Variants in DTNA observed in about 807,000 individuals in gnomAD.
The protein encoded by DTNA is dystrobrevin alpha, also known as dystrophin-related protein 3.
In DTNA, 43 loss-of-function variants were observed where a neutral mutation model predicts 100.7. That is an observed-to-expected ratio of 0.43 (90% CI 0.33 to 0.55). The LOEUF is 0.55. Ranked by LOEUF, DTNA falls within the 20% of genes least tolerant of loss-of-function variation. The pLI is 0.04. For missense variants in DTNA, 798 were observed against 953.9 expected (o/e 0.84, Z 2.15); for synonymous variants, 349 against 347.9 (o/e 1.00, Z -0.04).
At chr18:34,719,065 C>T (rs990416890) in intron 1 of DTNA, among the ~76,000 whole-genome samples, 4 of 151,922 alleles carry the variant, frequency 2.6e-5, no homozygotes, top group East Asian at 1.9e-4. Flanking sequence ...CAGTGGCTCA[C>T]GTCTGTAATC....
chr18:34,781,809 T>C (rs963186567), intron 3 of DTNA, among the ~76,000 whole-genome samples: 4 of 152,214 alleles, frequency 2.6e-5, no homozygotes, highest in Non-Finnish European at 5.9e-5. Context: ...GTAAAAGTAA[T>C]GCAGTTGCTA....
At chr18:34,710,079 G>C (rs1489672617), upstream of DTNA, among the ~76,000 whole-genome samples, 1 of 151,998 alleles carries the variant, frequency 6.6e-6, no homozygotes, top group African/African-American at 2.4e-5. Context: ...TTATACTTCT[G>C]TTATTTTTTT....
upstream of DTNA, chr18:34,708,319 T>C (rs932551334): frequency 2.0e-5 from 3 of 152,216 alleles, no homozygotes; most frequent in Non-Finnish European, 2.9e-5. Flanking sequence ...ATGTAATCTA[T>C]GTATATAATT....
chr18:34,496,676 A>G (rs2039275540), intron 1 of DTNA, among the ~76,000 whole-genome samples: 1 of 152,196 alleles, frequency 6.6e-6, no homozygotes, highest in South Asian at 2.1e-4. Flanking sequence ...GTTTTAATAA[A>G]ATAATTATAC....
chr18:34,723,840 A>C (rs1195898766), intron 1 of DTNA, among the ~76,000 whole-genome samples: 4 of 152,292 alleles, frequency 2.6e-5, no homozygotes, highest in South Asian at 2.1e-4. Flanking sequence ...CAGAGGTTGC[A>C]GTGAGCCAAG....
intron 1 of DTNA, among the ~76,000 whole-genome samples, chr18:34,497,400 T>C (rs2039369726): frequency 6.6e-6 from 1 of 152,210 alleles, no homozygotes. Context: ...AGCGTCATTC[T>C]GTGGTCTCTA....
chr18:34,694,768 T>C (rs1274755185), intron 1 of DTNA, among the ~76,000 whole-genome samples: 2 of 152,170 alleles, frequency 1.3e-5, no homozygotes, highest in Non-Finnish European at 2.9e-5. Context: ...CCTTCTGAAG[T>C]TGAATTTCTT....
rs1430191833 is a variant in DTNA, at chr18:34,875,228, T to C, written c.1744-11T>C. On this transcript the variant is annotated splice_polypyrimidine_tract_variant and intron_variant, in intron 17 of 22. Transcript: ENST00000444659. ...GGGAAAGCAAATTAATGACCTGCATTGTCTCTCCAGACTCAGGGGGCAGGC... is the reference window on the plus strand; with the variant it reads ...GGGAAAGCAAATTAATGACCTGCATCGTCTCTCCAGACTCAGGGGGCAGGC... The C allele has an allele frequency of 1.2e-6, 2 of 1,613,024 alleles. No individual in the cohort carries two copies. Among genetic ancestry groups the C allele is most frequent in the African/African-American group, 1.3e-5 (1 of 74,898 alleles).
intron 1 of DTNA, among the ~76,000 whole-genome samples, chr18:34,587,900 G>C (rs9961873): frequency 6.6e-6 from 1 of 151,828 alleles, no homozygotes; most frequent in Non-Finnish European, 1.5e-5. Flanking sequence ...GAAATCCCTC[G>C]GGCCTAGACA....
At chr18:34,800,287 T>C (rs1391125698) in intron 4 of DTNA, among the ~76,000 whole-genome samples, 2 of 152,172 alleles carry the variant, frequency 1.3e-5, no homozygotes, top group Non-Finnish European at 2.9e-5. Flanking sequence ...TGAAATGAGA[T>C]GAGATACCCT....
At chr18:34,824,932 T>TAAAAAAAAAAAAAAAAAAAAA (rs35456039) in intron 9 of DTNA, among the ~76,000 whole-genome samples, 1 of 96,886 alleles carries the variant, frequency 1.0e-5, no homozygotes. Flanking sequence ...TTAGATACAG[T>TAAAAAAAAAAAAAAAAAAAAA]AAAAAAAAAA....
At chr18:34,498,232 G>A (rs1326225688) in intron 1 of DTNA, among the ~76,000 whole-genome samples, 2 of 152,022 alleles carry the variant, frequency 1.3e-5, no homozygotes, top group South Asian at 2.1e-4. Flanking sequence ...TGGCTAACAC[G>A]GTGAAACTCC....
chr18:34,781,843 A>G (rs995943194), intron 3 of DTNA, among the ~76,000 whole-genome samples: 1 of 152,156 alleles, frequency 6.6e-6, no homozygotes, highest in African/African-American at 2.4e-5. Flanking sequence ...TTCAATGGCC[A>G]GGTATACTTC....
At chr18:34,812,180 T>C (rs1237825030) in intron 6 of DTNA, 67 bp downstream of exon 6, 1 of 1,604,734 alleles carries the variant, frequency 6.2e-7, no homozygotes, top group Admixed American at 1.7e-5. Context: ...CTAGATGTCA[T>C]TCCAGGTCAC....
chr18:34,708,243 AC>A (rs1343113269), upstream of DTNA: 2 of 152,198 alleles, frequency 1.3e-5, no homozygotes, highest in Non-Finnish European at 2.9e-5. Context: ...AGTTTACAGT[AC>A]TTGTTAGAGA....
chr18:34,537,718 T>C (rs1467367301), intron 1 of DTNA, among the ~76,000 whole-genome samples: 1 of 151,842 alleles, frequency 6.6e-6, no homozygotes, highest in African/African-American at 2.4e-5. Context: ...GGAACTATAA[T>C]TTCAGATGAC....
intron 3 of DTNA, among the ~76,000 whole-genome samples, chr18:34,787,819 C>T (rs2094560567): frequency 6.6e-6 from 1 of 152,150 alleles, no homozygotes. Context: ...GAAGCTTTGT[C>T]TATTTCCATT....
chr18:34,529,705 G>GT (rs969397685), intron 1 of DTNA, among the ~76,000 whole-genome samples: 1 of 152,112 alleles, frequency 6.6e-6, no homozygotes, highest in African/African-American at 2.4e-5. Context: ...TATTTTTATA[G>GT]TTTTTTAATG....
chr18:34,507,609 A>T (rs1339139179), intron 1 of DTNA, among the ~76,000 whole-genome samples: 1 of 152,164 alleles, frequency 6.6e-6, no homozygotes, highest in East Asian at 1.9e-4. Flanking sequence ...GAAATTCATG[A>T]AAAAGACAAA....
Sources: gnomAD v4.1 joint callset for allele counts (sites outside exome capture counted in the v4.1 genomes callset) on GRCh38, gnomAD v4.1.1 for gene constraint, MANE v1.5 for transcripts, NCBI Gene and HGNC (gene_info 2026-07-23, HGNC 2026-07-21) for gene names.